The following RPH3A variants were observed in gnomAD, a reference collection of about 807,000 sequenced individuals.
RPH3A encodes the protein rabphilin 3A.
RPH3A carries 48 observed loss-of-function variants against 102.2 expected under a neutral mutation model. The ratio of observed to expected loss-of-function variants is 0.47; its 90% CI spans 0.37 to 0.60. RPH3A has a LOEUF of 0.60. Among genes scored for constraint, RPH3A ranks in the 20% least tolerant of loss-of-function variants. The pLI is 0.00. For synonymous variants in RPH3A, 310 were observed against 324.3 expected (o/e 0.96, Z 0.47); for missense variants, 781 against 910.1 (o/e 0.86, Z 1.83).
chr12:112,807,419 G>A (rs1305081024), intron 2 of RPH3A, among the ~76,000 whole-genome samples: 1 of 152,042 alleles, frequency 6.6e-6, no homozygotes, highest in Non-Finnish European at 1.5e-5. Flanking sequence ...ACAGATGTGG[G>A]GCCCCTTCCT....
At position 112,879,162 on chromosome 12, in the gene RPH3A, C is replaced by T; in HGVS notation, c.1215C>T (p.Asp405=). ...ALEFSLLYDQ[D]NSSLQCTIIK... The stretch of plus-strand genomic sequence containing the variant: ...AATTCAGCCTTCTCTACGACCAGGA[C>T]AACAGCTCCCTGCAGTGCACCATCA... Residue 405 remains aspartate, a synonymous_variant, in exon 14 of 22, where the codon GAC becomes GAT. Transcript: ENST00000389385. 1.2e-6 allele frequency: 2 copies of T among 1,614,098 alleles called. No individual in the cohort carries two copies. The highest frequency in any genetic ancestry group is 1.7e-6 in the Non-Finnish European group (2 of 1,179,980).
intron 2 of RPH3A, among the ~76,000 whole-genome samples, chr12:112,821,391 CT>C (rs1308713824): frequency 6.6e-6 from 1 of 152,202 alleles, no homozygotes. Context: ...TTTACATGGT[CT>C]TCATGATCTG....
chr12:112,758,720 C>T (rs2040836136), intron 1 of RPH3A, among the ~76,000 whole-genome samples: 1 of 152,130 alleles, frequency 6.6e-6, no homozygotes, highest in Admixed American at 6.5e-5. Context: ...AACCAGTACT[C>T]ATGTGATTCA....
chr12:112,678,277 GAAAGAAAGAA>G (rs1299889087), intron 1 of RPH3A, among the ~76,000 whole-genome samples: 27 of 76,392 alleles, frequency 3.5e-4, no homozygotes, highest in African/African-American at 1.2e-3. Flanking sequence ...AAGAAAGAAA[GAAAGAAAGAA>G]AGAAAGAAAG....
At chr12:112,892,158 G>C (rs1037412103) in intron 19 of RPH3A, among the ~76,000 whole-genome samples, 1 of 152,186 alleles carries the variant, frequency 6.6e-6, no homozygotes, top group Non-Finnish European at 1.5e-5. Context: ...GGATCTCCAT[G>C]GAGCATGGAG....
intron 3 of RPH3A, 83 bp from the exon 4 acceptor site, chr12:112,836,408 A>T: frequency 2.6e-6 from 2 of 759,642 alleles, no homozygotes; most frequent in Non-Finnish European, 4.1e-6. Flanking sequence ...TGAGTGTTGC[A>T]TCCAGACAGT....
At chr12:112,839,005 CT>C (rs2042100381) in intron 4 of RPH3A, among the ~76,000 whole-genome samples, 1 of 152,094 alleles carries the variant, frequency 6.6e-6, no homozygotes, top group African/African-American at 2.4e-5. Flanking sequence ...TTCTCAAGTC[CT>C]GGACCATCCT....
At chr12:112,752,693 T>TCA (rs1448554985) in intron 1 of RPH3A, among the ~76,000 whole-genome samples, 3 of 151,962 alleles carry the variant, frequency 2.0e-5, no homozygotes, top group Non-Finnish European at 2.9e-5. Flanking sequence ...TACATATATT[T>TCA]TTCTATTAAC....
chr12:112,614,276 T>TG (rs1403860626), intron 1 of RPH3A, among the ~76,000 whole-genome samples: 1 of 152,160 alleles, frequency 6.6e-6, no homozygotes, highest in Non-Finnish European at 1.5e-5. Context: ...TGTTTGTCCT[T>TG]GGGGTAGTGA....
intron 2 of RPH3A, among the ~76,000 whole-genome samples, chr12:112,809,584 G>A (rs1322829829): frequency 6.6e-6 from 1 of 152,178 alleles, no homozygotes; most frequent in African/African-American, 2.4e-5. Context: ...CATTTGCTAT[G>A]GGCCAGCACC....
At chr12:112,690,983 T>C (rs1475699925) in intron 1 of RPH3A, among the ~76,000 whole-genome samples, 1 of 152,084 alleles carries the variant, frequency 6.6e-6, no homozygotes, top group Non-Finnish European at 1.5e-5. Flanking sequence ...GTAGTTCACA[T>C]TGTATCCTTT....
At chr12:112,851,016 A>G (rs2042314126) in intron 5 of RPH3A, 1 of 152,230 alleles carries the variant, frequency 6.6e-6, no homozygotes, top group South Asian at 2.1e-4. Context: ...CTGGGTCCAG[A>G]CATCAGCCCC....
At chr12:112,865,265 G>A in intron 5 of RPH3A, 149 bp from the exon 6 acceptor site, 1 of 892,402 alleles carries the variant, frequency 1.1e-6, no homozygotes, top group Non-Finnish European at 1.7e-6. Context: ...ATGTGCATGT[G>A]CCTTTTCTTG....
At chr12:112,684,510 C>T (rs570127878) in intron 1 of RPH3A, among the ~76,000 whole-genome samples, 1 of 152,158 alleles carries the variant, frequency 6.6e-6, no homozygotes, top group South Asian at 2.1e-4. Flanking sequence ...TCAAGTGATC[C>T]ACCTGTCTCA....
At chr12:112,637,382 A>T (rs1480625701) in intron 1 of RPH3A, among the ~76,000 whole-genome samples, 6 of 152,188 alleles carry the variant, frequency 3.9e-5, no homozygotes, top group Non-Finnish European at 7.3e-5. Flanking sequence ...ACTCATGACC[A>T]TTGTTTTTTA....
At chr12:112,713,027 T>TCCTCTTCCTCTTCCC (rs1565857299) in intron 1 of RPH3A, among the ~76,000 whole-genome samples, 1 of 69,094 alleles carries the variant, frequency 1.4e-5, no homozygotes, top group African/African-American at 7.6e-5. Context: ...CTCTTCCTCT[T>TCCTCTTCCTCTTCCC]CTTCTTCTTC....
intron 2 of RPH3A, among the ~76,000 whole-genome samples, chr12:112,798,334 A>T (rs902495554): frequency 2.0e-5 from 3 of 152,180 alleles, no homozygotes; most frequent in Non-Finnish European, 1.5e-5. Flanking sequence ...GAGGGGGGGA[A>T]ATATCTTCTC....
rs1315011974 is a variant in RPH3A at position 112,668,941 on chromosome 12, A to G, written c.-140+93622A>G. 2.6e-5 allele frequency among the ~76,000 whole-genome samples: 4 copies of G among 152,348 alleles called. No individual in the cohort carries two copies. In the East Asian group the frequency reaches 7.7e-4, roughly 29 times the overall value. Reference sequence around the variant, plus strand: ...TTTTTGGGTTCAGAATAGAATACCAACATGGATTTACATGCAGACATTTGT... The same window carrying G: ...TTTTTGGGTTCAGAATAGAATACCAGCATGGATTTACATGCAGACATTTGT... On this transcript the variant is annotated intron_variant, in intron 1 of 21. Transcript: ENST00000543106.
intron 1 of RPH3A, among the ~76,000 whole-genome samples, chr12:112,662,718 A>G (rs1330584010): frequency 6.6e-6 from 1 of 151,838 alleles, no homozygotes; most frequent in Non-Finnish European, 1.5e-5. Context: ...GCCATAGACA[A>G]TATATAACTG....
Sources: gnomAD v4.1 joint callset for allele counts (sites outside exome capture counted in the v4.1 genomes callset) on GRCh38, gnomAD v4.1.1 for gene constraint, MANE v1.5 for transcripts, NCBI Gene and HGNC (gene_info 2026-07-23, HGNC 2026-07-21) for gene names.